CDH23: variants seen among roughly 807,000 people sequenced by gnomAD.
The protein encoded by CDH23 is cadherin-23.
In CDH23, 189 loss-of-function variants were observed where a neutral mutation model predicts 317.1. The observed-to-expected ratio is 0.60, with a 90% CI of 0.53 to 0.67. The LOEUF (loss-of-function observed/expected upper bound fraction) is 0.67, where lower values mean the gene tolerates loss of function less well. CDH23 is among the 30% of genes least tolerant of loss of function. The pLI is 0.00. For missense variants in CDH23, 4,401 were observed against 4,592.4 expected (o/e 0.96, Z 1.20); for synonymous variants, 1,839 against 1,876.8 (o/e 0.98, Z 0.52).
At chr10:71,787,319 A>ATT (rs34939679) in intron 44 of CDH23, among the ~76,000 whole-genome samples, 199 of 126,372 alleles carry the variant, frequency 1.6e-3, no homozygotes, top group African/African-American at 4.0e-3. Context: ...CGCTTTTCAG[A>ATT]TTTTTTTTTT....
At chr10:71,810,340 C>T in intron 61 of CDH23, 132 bp from the exon 62 acceptor site, 1 of 905,432 alleles carries the variant, frequency 1.1e-6, no homozygotes, top group Non-Finnish European at 1.8e-6. Context: ...TGGTCCTCAG[C>T]AAACATTCAA....
Position 71,585,823 on chromosome 10 carries a change from C to T in CDH23, c.832+7831C>T, listed in dbSNP as rs564802625. On this transcript the variant is annotated intron_variant, in intron 9 of 69. Transcript: ENST00000224721. ...CCATGCTCATGATTCCCTGTTCTTC[C>T]TCTCTCCTTTAATGAGGTCCTGTAT... Among the ~76,000 whole-genome samples, 6 of 152,304 alleles carry T rather than the reference C, an allele frequency of 3.9e-5. No individual in the cohort carries two copies. In the East Asian group the frequency reaches 1.2e-3, roughly 29 times the overall value.
intron 18 of CDH23, among the ~76,000 whole-genome samples, chr10:71,684,796 G>A (rs1256265960): frequency 6.6e-6 from 1 of 152,228 alleles, no homozygotes; most frequent in Non-Finnish European, 1.5e-5. Flanking sequence ...AGTGGATGCT[G>A]GAGAGGGTAA....
chr10:71,778,121 A>G (rs1840860779), intron 39 of CDH23, 68 bp from the exon 40 acceptor site: 2 of 1,594,246 alleles, frequency 1.3e-6, no homozygotes. Flanking sequence ...TACTTCCCAA[A>G]TTGGTCAGAG....
At chr10:71,755,937 G>A (rs1320744345) in intron 38 of CDH23, among the ~76,000 whole-genome samples, 4 of 152,138 alleles carry the variant, frequency 2.6e-5, no homozygotes, top group Non-Finnish European at 4.4e-5. Flanking sequence ...CAAACTGTAG[G>A]CTTAAAATGG....
At chr10:71,664,239 C>T (rs181334501) in intron 14 of CDH23, among the ~76,000 whole-genome samples, 33 of 152,350 alleles carry the variant, frequency 2.2e-4, no homozygotes, top group Non-Finnish European at 3.8e-4. Flanking sequence ...TCCCCCACTA[C>T]GACTTCTTTA....
chr10:71,621,759 T>G (rs1026945568), intron 11 of CDH23, among the ~76,000 whole-genome samples: 1 of 152,186 alleles, frequency 6.6e-6, no homozygotes, highest in African/African-American at 2.4e-5. Flanking sequence ...GATCGAAGAT[T>G]CTGCTCAGTC....
At chr10:71,453,193 G>T (rs368789708) in intron 3 of CDH23, among the ~76,000 whole-genome samples, 2 of 152,358 alleles carry the variant, frequency 1.3e-5, no homozygotes, top group East Asian at 1.9e-4. Flanking sequence ...CTTGTCAAGA[G>T]CCATTAAGGT....
intron 6 of CDH23, among the ~76,000 whole-genome samples, chr10:71,560,702 T>G (rs1857087763): frequency 6.6e-6 from 1 of 151,784 alleles, no homozygotes; most frequent in South Asian, 2.1e-4. Flanking sequence ...CTAGCCCCTC[T>G]CCTCTCCCCA....
At chr10:71,639,005 G>A (rs1007027419) in intron 11 of CDH23, among the ~76,000 whole-genome samples, 5 of 152,144 alleles carry the variant, frequency 3.3e-5, no homozygotes, top group African/African-American at 7.2e-5. Context: ...GGAGCTACAC[G>A]GGGAGGGACC....
At chr10:71,773,506 A>T in intron 38 of CDH23, 1 of 1,477,854 alleles carries the variant, frequency 6.8e-7, no homozygotes, top group Non-Finnish European at 9.2e-7. Context: ...CGGCGCGGGG[A>T]AGCCTCCCGC....
chr10:71,599,700 A>C (rs996513075), intron 9 of CDH23, among the ~76,000 whole-genome samples: 2 of 152,250 alleles, frequency 1.3e-5, no homozygotes, highest in African/African-American at 4.8e-5. Context: ...AGCAGACCAG[A>C]GAGCCACATC....
At chr10:71,651,960 C>A (rs915391570) in intron 14 of CDH23, among the ~76,000 whole-genome samples, 9 of 152,214 alleles carry the variant, frequency 5.9e-5, no homozygotes, top group Admixed American at 2.0e-4. Context: ...TGGCAGCCCC[C>A]CTGGCGCAGG....
chr10:71,797,029 G>T, intron 48 of CDH23, 75 bp from the exon 49 acceptor site: 2 of 907,748 alleles, frequency 2.2e-6, no homozygotes, highest in South Asian at 2.8e-5. Context: ...GGAGGGTTTG[G>T]CCAGGAGCAC....
chr10:71,814,899 T>C, intron 69 of CDH23, 53 bp from the exon 70 acceptor site: 1 of 1,528,508 alleles, frequency 6.5e-7, no homozygotes, highest in Non-Finnish European at 8.8e-7. Context: ...GCCATCCACC[T>C]GCTCACCCCT....
At chr10:71,566,991 A>T in intron 7 of CDH23, 55 bp downstream of exon 7, 1 of 1,554,224 alleles carries the variant, frequency 6.4e-7, no homozygotes. Flanking sequence ...CCACCCTGGA[A>T]GAGAGTGACG....
At chr10:71,734,049 G>A (rs1839477595) in intron 32 of CDH23, among the ~76,000 whole-genome samples, 191 bp from the exon 33 acceptor site, 1 of 152,234 alleles carries the variant, frequency 6.6e-6, no homozygotes, top group South Asian at 2.1e-4. Flanking sequence ...GGCTGGGGAA[G>A]CAGGAAGGCT....
chr10:71,667,348 A>C (rs9415030), intron 14 of CDH23, among the ~76,000 whole-genome samples: 1 of 122,406 alleles, frequency 8.2e-6, no homozygotes, highest in Non-Finnish European at 1.7e-5. Flanking sequence ...GAGGCAGAGA[A>C]AGAGAGAGAG....
rs1372553594 is a variant in CDH23 at position 71,403,489 on chromosome 10, CCTTCCTTCCTTCCTTCCTTT to C, written c.-6+6175_-6+6194del. ...TCCTTCCTTCCTTCCTTCCTTCCTT[CCTTCCTTCCTTCCTTCCTTT>C]CTTTCCTTCTTTCTTTCTTTTTTTT... On this transcript the variant is annotated intron_variant, in intron 1 of 69. Coordinates refer to ENST00000224721, the MANE Select transcript of CDH23 (RefSeq NM_022124.6). 1.2e-3 allele frequency among the ~76,000 whole-genome samples: 152 copies of C among 123,100 alleles called. 5 individuals carry two copies. The highest frequency in any genetic ancestry group is 4.9e-3 in the African/African-American group (142 of 29,138). 80.8% of individuals were successfully genotyped at this position (123,100 alleles called of 152,430 possible). A position where few individuals can be genotyped will look rare whatever the true frequency, so the allele number is the denominator to read the frequency against.
Sources: gnomAD v4.1 joint callset for allele counts (sites outside exome capture counted in the v4.1 genomes callset) on GRCh38, gnomAD v4.1.1 for gene constraint, MANE v1.5 for transcripts, NCBI Gene and HGNC (gene_info 2026-07-23, HGNC 2026-07-21) for gene names.